DAO: variants seen among roughly 807,000 people sequenced by gnomAD.
DAO encodes D-amino-acid oxidase.
A neutral mutation model predicts 50.1 loss-of-function variants in DAO; 51 were observed. That is an observed-to-expected ratio of 1.02 (90% CI 0.81 to 1.29). The LOEUF is 1.29. Ranked by LOEUF, DAO falls within the 50% of genes most tolerant of loss-of-function variation. DAO has a pLI of 0.00. For missense variants in DAO, 436 were observed against 439.4 expected, an observed-to-expected ratio of 0.99 and a Z score of 0.07; for synonymous variants, 160 against 166.2, an observed-to-expected ratio of 0.96 and a Z score of 0.29.
rs183849705 is a variant in DAO, at chr12:108,900,219, C to T, written c.913-185C>T. The T allele has an allele frequency of 4.1e-4, 254 of 626,316 alleles. No homozygotes were observed. The African/African-American group carries it at 4.4e-3, about 11-fold the overall frequency. 38.8% of individuals were successfully genotyped at this position (626,316 alleles called of 1,614,324 possible). The stretch of plus-strand genomic sequence containing the variant: ...GATATCCATTTTGTGGCTGCCCCAT[C>T]ATCTCTTGCAACTGTTCCAGGGGGT... On this transcript the variant is annotated intron_variant, in intron 10 of 10. Transcript: ENST00000228476.
Position 108,897,051 on chromosome 12 carries a change from G to GT in DAO, c.658_659insT (p.Glu220ValfsTer30). The GT allele has an allele frequency of 6.2e-7, 1 of 1,614,010 alleles. No homozygotes were observed. Among genetic ancestry groups the GT allele is most frequent in the African/African-American group, 1.3e-5 (1 of 75,004 alleles). The stretch of plus-strand genomic sequence containing the variant: ...GCACTTCATTCTCACCCATGACCCA[G>GT]AGAGAGGCATCTACAATTCCCCGTA... On this transcript the variant is annotated frameshift_variant, in exon 8 of 11. Transcript: ENST00000228476. LOFTEE classifies it high-confidence loss of function.
intron 5 of DAO, among the ~76,000 whole-genome samples, chr12:108,892,317 C>T (rs1214253947): frequency 6.6e-6 from 1 of 151,744 alleles, no homozygotes; most frequent in Admixed American, 6.6e-5. Flanking sequence ...CGCCTGCCAC[C>T]ACGTCTGGCT....
At chr12:108,894,835 A>G (rs576178451) in intron 7 of DAO, among the ~76,000 whole-genome samples, 1 of 152,136 alleles carries the variant, frequency 6.6e-6, no homozygotes, top group South Asian at 2.1e-4. Flanking sequence ...ACCTTAGCCT[A>G]CTGAGTAGCT....
Position 108,899,414 on chromosome 12 carries a change from C to T in DAO, c.851C>T (p.Pro284Leu), listed in dbSNP as rs746734558. 8.1e-6 allele frequency: 13 copies of T among 1,613,886 alleles called. No homozygotes were observed. The highest frequency in any genetic ancestry group is 1.0e-5 in the Non-Finnish European group (12 of 1,179,930). ...ATTGGTGAACGAACTGGCTTCCGGC[C>T]AGTACGCCCCCAGATTCGGCTAGAA... ...RIIGERTGFR[P>L]VRPQIRLERE... Residue 284 changes from proline to leucine, a missense_variant, in exon 10 of 11, where the codon CCA (proline) becomes CTA (leucine). By Grantham distance (98) the Pro-to-Leu change is moderately conservative. Coordinates refer to ENST00000228476, the MANE Select transcript of DAO (RefSeq NM_001917.5).
At chr12:108,887,384 A>T in intron 2 of DAO, 66 bp from the exon 3 acceptor site, 1 of 1,174,424 alleles carries the variant, frequency 8.5e-7, no homozygotes, top group Non-Finnish European at 1.3e-6. Flanking sequence ...GCCCCATGCC[A>T]GCTGACCTAA....
rs1001225805 is a variant in DAO, at chr12:108,889,580, C to A, written c.386+35C>A. 2.6e-6 allele frequency: 4 copies of A among 1,546,442 alleles called. No homozygotes were observed. In the South Asian group the frequency reaches 3.3e-5, roughly 13 times the overall value. On this transcript the variant is annotated intron_variant, in intron 4 of 10. Coordinates refer to ENST00000228476, the MANE Select transcript of DAO (RefSeq NM_001917.5). The stretch of plus-strand genomic sequence containing the variant: ...TTGTCACAGGCAAAGGGGACTGGGG[C>A]CTGACGAGTTAGCAGACCTGTCCAG...
intron 3 of DAO, among the ~76,000 whole-genome samples, chr12:108,887,947 G>A (rs1593159949): frequency 6.6e-6 from 1 of 152,276 alleles, no homozygotes; most frequent in East Asian, 1.9e-4. Context: ...AGCAAAAACT[G>A]CCAAAGCATT....
In DAO at chr12:108,898,749, CACA is replaced by C. The variant is rs1419806883; in HGVS notation, c.770_772del (p.Asn257del). On this transcript the variant is annotated inframe_deletion, in exon 9 of 11. Transcript: ENST00000228476. ...GAGTGAACTAAACAATATCCAGGAC[CACA>C]ACACCATTTGGGAAGGCTGCTGCAG... 6.2e-7 allele frequency: 1 copy of C among 1,614,020 alleles called. No homozygotes were observed.
chr12:108,900,717 C>T lies in DAO; in HGVS notation c.*182C>T, dbSNP rs2039613738. 19 of 682,398 alleles carry T rather than the reference C, an allele frequency of 2.8e-5. 1 individual carries two copies. The South Asian group carries it at 3.4e-4, about 12-fold the overall frequency. The allele number at this position is 682,398 out of a possible 1,614,324, so 42.3% of individuals were successfully genotyped here. On this transcript the variant is annotated 3_prime_UTR_variant, in exon 11 of 11. Transcript: ENST00000228476. ...GTTCAGCCCAACATGGGGCCCCTCT[C>T]ATCACTGAAATCCCTCTACCTTCTC...
chr12:108,899,471 C>T lies in DAO; in HGVS notation c.908C>T (p.Thr303Ile). Residue 303 changes from threonine to isoleucine, a missense_variant, in exon 10 of 11, where the codon ACA becomes ATA. Transcript: ENST00000228476. ...REQLRTGPSN[T>I]EVIHNYGHGG... ...CAGCTTCGCACTGGACCTTCAAACA[C>T]AGAGGTATGCTCCCATGGCAAGGAA... 1.2e-6 allele frequency: 2 copies of T among 1,612,882 alleles called. No homozygotes were observed. The highest frequency in any genetic ancestry group is 1.7e-6 in the Non-Finnish European group (2 of 1,179,318).
rs770647158 is a variant in DAO at position 108,900,577 on chromosome 12, C to T, written c.*42C>T. 1 of 1,610,746 alleles carries T rather than the reference C, an allele frequency of 6.2e-7. No homozygotes were observed. Among genetic ancestry groups the T allele is most frequent in the South Asian group, 1.1e-5 (1 of 90,750 alleles). On this transcript the variant is annotated 3_prime_UTR_variant, in exon 11 of 11. Transcript: ENST00000228476. ...TGCCTCCCCCCACAAGAACTCCCTTCTCCCCTCAGCCAATGAATCAATGTG... is the reference window on the plus strand; with the variant it reads ...TGCCTCCCCCCACAAGAACTCCCTTTTCCCCTCAGCCAATGAATCAATGTG...
chr12:108,899,614 T>G (rs1200968317), intron 10 of DAO, 139 bp downstream of exon 10: 1 of 756,540 alleles, frequency 1.3e-6, no homozygotes, highest in Non-Finnish European at 2.3e-6. Flanking sequence ...TAATATCCCC[T>G]CCTCTATAAA....
At chr12:108,884,772 G>A (rs1046062500) in intron 1 of DAO, among the ~76,000 whole-genome samples, 1 of 152,052 alleles carries the variant, frequency 6.6e-6, no homozygotes, top group African/African-American at 2.4e-5. Flanking sequence ...TTCACCAGCC[G>A]TGTGACTGTG....
In DAO at chr12:108,889,544, G is replaced by T. The variant is rs768551628; in HGVS notation, c.385G>T (p.Gly129Cys). Residue 129 changes from glycine (G) to cysteine (C), a missense_variant and splice_region_variant, in exon 4 of 11, where the codon GGC becomes TGC. Physicochemically the swap from Gly to Cys is radical, Grantham distance 159. Transcript: ENST00000228476. ...AGAGCTGGATATGTTCCCAGATTAC[G>T]GGTGAGTTTATTGTCACAGGCAAAG... ...PRELDMFPDY[G>C]YGWFHTSLIL... is the part of the protein sequence containing the mutation. 6 of 1,611,346 alleles carry T rather than the reference G, an allele frequency of 3.7e-6. No homozygotes were observed. The highest frequency in any genetic ancestry group is 3.3e-5 in the Admixed American group (2 of 59,922).
In DAO at chr12:108,900,683, T is replaced by C; in HGVS notation, c.*148T>C. 1.7e-6 allele frequency: 2 copies of C among 1,193,390 alleles called. No individual in the cohort carries two copies. The highest frequency in any genetic ancestry group is 1.4e-5 in the South Asian group (1 of 71,862). 73.9% of individuals were successfully genotyped at this position (1,193,390 alleles called of 1,614,324 possible). ...GAGAGAAAGCCACAAAGTCAGTGCC[T>C]GGAGAAGGGTTCAGCCCAACATGGG... On this transcript the variant is annotated 3_prime_UTR_variant, in exon 11 of 11. Transcript: ENST00000228476.
At chr12:108,899,821 G>T (rs1268173379) in intron 10 of DAO, 7 of 375,432 alleles carry the variant, frequency 1.9e-5, no homozygotes, top group Non-Finnish European at 3.5e-5. Context: ...GATCTCAAAG[G>T]CAGTGTTAAC....
rs1367055743 is a variant in DAO, at chr12:108,900,414, A to G, written c.923A>G (p.Asn308Ser). ...TGPSNTEVIH[N>S]YGHGGYGLTI... ...TCTTGCCTCTCCTAGGTCATCCACA[A>G]CTATGGCCATGGAGGCTACGGGCTC... is the stretch of plus-strand genomic sequence containing the variant. Residue 308 changes from asparagine (N) to serine (S), a missense_variant, in exon 11 of 11, where the codon AAC (asparagine) becomes AGC (serine). Asn to Ser is a conservative substitution (Grantham distance 46, BLOSUM62 1). Coordinates refer to ENST00000228476, the MANE Select transcript of DAO (RefSeq NM_001917.5). The G allele has an allele frequency of 2.5e-6, 4 of 1,613,942 alleles. No homozygotes were observed. The South Asian group carries it at 4.4e-5, about 18-fold the overall frequency.
chr12:108,887,522 G>C lies in DAO; in HGVS notation c.267G>C (p.Leu89=), dbSNP rs543827567. 1.2e-6 allele frequency: 2 copies of C among 1,614,108 alleles called. No individual in the cohort carries two copies. The highest frequency in any genetic ancestry group is 1.7e-5 in the Admixed American group (1 of 60,000). ...VHSPNAENLG[L]FLISGYNLFH... ...CTCCCAACGCTGAAAACCTGGGCCT[G>C]TTCCTAATCTCGGGCTACAACCTCT... The change falls in exon 3 of 11, where the codon CTG becomes CTC. Residue 89 remains leucine (L), a synonymous_variant. Transcript: ENST00000228476.
intron 5 of DAO, 76 bp from the exon 6 acceptor site, chr12:108,892,906 G>T: frequency 7.3e-7 from 1 of 1,366,466 alleles, no homozygotes; most frequent in Non-Finnish European, 1.0e-6. Context: ...TTTGGGAAAG[G>T]TCCCTGTGCC....
Sources: gnomAD v4.1 joint callset for allele counts (sites outside exome capture counted in the v4.1 genomes callset) on GRCh38, gnomAD v4.1.1 for gene constraint, MANE v1.5 for transcripts, NCBI Gene and HGNC (gene_info 2026-07-23, HGNC 2026-07-21) for gene names.